PCDH15: variants seen among roughly 807,000 people sequenced by gnomAD.
The protein encoded by PCDH15 is protocadherin related 15.
PCDH15 carries 129 observed loss-of-function variants against 178.5 expected under a neutral mutation model. The ratio of observed to expected loss-of-function variants is 0.72; its 90% CI spans 0.63 to 0.84. The LOEUF is 0.84. Ranked by LOEUF, PCDH15 falls within the 40% of genes least tolerant of loss-of-function variation. The pLI is 0.00. For synonymous variants in PCDH15, 800 were observed against 732.0 expected, an observed-to-expected ratio of 1.09 and a Z score of -1.50; for missense variants, 2,230 against 2,099.9, an observed-to-expected ratio of 1.06 and a Z score of -1.21.
intron 3 of PCDH15, among the ~76,000 whole-genome samples, chr10:54,414,373 A>G (rs926085831): frequency 1.2e-4 from 18 of 152,142 alleles, no homozygotes; most frequent in African/African-American, 4.1e-4. Context: ...GCATGTTTAC[A>G]TGACGGAATA....
chr10:54,603,460 TA>T (rs2134119782), intron 2 of PCDH15, among the ~76,000 whole-genome samples: 1 of 152,006 alleles, frequency 6.6e-6, no homozygotes, highest in African/African-American at 2.4e-5. Context: ...TTTGGCTAGT[TA>T]TTTTTTTAGG....
intron 28 of PCDH15, among the ~76,000 whole-genome samples, chr10:53,850,064 C>G (rs10509000): frequency 0.029 from 4,461 of 151,928 alleles, 136 homozygotes; most frequent in East Asian, 0.15. Flanking sequence ...GCTAAGATAA[C>G]ATTCCTCCAA....
intron 3 of PCDH15, among the ~76,000 whole-genome samples, chr10:54,807,864 T>A (rs1952803268): frequency 6.6e-6 from 1 of 151,488 alleles, no homozygotes; most frequent in African/African-American, 2.4e-5. Flanking sequence ...ATAGAATGAG[T>A]ATAGATTTAA....
chr10:54,249,265 T>A (rs536556864), intron 8 of PCDH15, among the ~76,000 whole-genome samples: 1 of 152,236 alleles, frequency 6.6e-6, no homozygotes, highest in Non-Finnish European at 1.5e-5. Flanking sequence ...TAAATATGCA[T>A]CAAAAACCTA....
chr10:55,217,748 A>G (rs1225053464), intron 1 of PCDH15, among the ~76,000 whole-genome samples: 2 of 151,992 alleles, frequency 1.3e-5, no homozygotes, highest in Non-Finnish European at 2.9e-5. Flanking sequence ...ACTGCTAGCC[A>G]TCACATAAAA....
At chr10:53,984,434 G>A (rs1450660872) in intron 21 of PCDH15, among the ~76,000 whole-genome samples, 1 of 152,062 alleles carries the variant, frequency 6.6e-6, no homozygotes, top group African/African-American at 2.4e-5. Flanking sequence ...ACAGGCGTGA[G>A]CCACCGTGCC....
At chr10:54,534,276 T>C (rs2084246846) in intron 2 of PCDH15, among the ~76,000 whole-genome samples, 1 of 152,116 alleles carries the variant, frequency 6.6e-6, no homozygotes, top group Non-Finnish European at 1.5e-5. Context: ...TAGTTATATA[T>C]GGGATTGTGA....
chr10:55,263,438 T>C (rs185280249), intron 1 of PCDH15, among the ~76,000 whole-genome samples: 23 of 152,296 alleles, frequency 1.5e-4, no homozygotes, highest in Admixed American at 9.1e-4. Context: ...CAGGCATGCA[T>C]GACTCAGGGC....
chr10:54,656,824 C>T (rs903138004), intron 2 of PCDH15, among the ~76,000 whole-genome samples: 2 of 152,066 alleles, frequency 1.3e-5, no homozygotes, highest in African/African-American at 2.4e-5. Context: ...GGAGTGGCAC[C>T]GGCAGCCGGG....
intron 26 of PCDH15, among the ~76,000 whole-genome samples, chr10:53,902,532 AC>A (rs2082398964): frequency 6.6e-6 from 1 of 152,154 alleles, no homozygotes; most frequent in Non-Finnish European, 1.5e-5. Context: ...TAGCATCTAA[AC>A]TTTTTCCTCA....
intron 25 of PCDH15, among the ~76,000 whole-genome samples, chr10:53,919,041 G>C (rs2083775546): frequency 6.6e-6 from 1 of 152,072 alleles, no homozygotes; most frequent in Admixed American, 6.6e-5. Flanking sequence ...TTCTTCTGTT[G>C]CATCAGTCTG....
At chr10:55,148,671 T>C (rs1358886263) in intron 2 of PCDH15, among the ~76,000 whole-genome samples, 2 of 151,692 alleles carry the variant, frequency 1.3e-5, no homozygotes, top group African/African-American at 4.8e-5. Flanking sequence ...GAAAAATGTG[T>C]TTCCACATTT....
chr10:54,320,255 A>G lies in PCDH15; in HGVS notation c.706-2814T>C, dbSNP rs184222032. Among the ~76,000 whole-genome samples, 55 of 152,208 alleles carry G rather than the reference A, an allele frequency of 3.6e-4. No homozygotes were observed. The East Asian group carries it at 0.01, about 28-fold the overall frequency. ...AAATGAAGAAAAAACAAGGAAATCTATTCTTACCTACATAAACATGATCAC... is the reference window on the plus strand; with the variant it reads ...AAATGAAGAAAAAACAAGGAAATCTGTTCTTACCTACATAAACATGATCAC... On this transcript the variant is annotated intron_variant, in intron 7 of 37. Transcript: ENST00000644397.
intron 3 of PCDH15, among the ~76,000 whole-genome samples, chr10:54,430,028 A>G (rs184497003): frequency 6.6e-6 from 1 of 151,364 alleles, no homozygotes; most frequent in Admixed American, 6.6e-5. Flanking sequence ...TAGCTGCAAA[A>G]TACACTTTTT....
chr10:54,363,595 C>A (rs963733290), intron 5 of PCDH15, among the ~76,000 whole-genome samples: 1 of 152,122 alleles, frequency 6.6e-6, no homozygotes, highest in Non-Finnish European at 1.5e-5. Context: ...TTGATATACA[C>A]ATGCTCTAAT....
chr10:54,171,090 G>A (rs1025499027), intron 13 of PCDH15, among the ~76,000 whole-genome samples: 20 of 152,074 alleles, frequency 1.3e-4, no homozygotes, highest in African/African-American at 2.9e-4. Flanking sequence ...GAAGGCCACC[G>A]CAGGCATTTC....
intron 7 of PCDH15, among the ~76,000 whole-genome samples, chr10:54,329,177 T>A (rs562714361): frequency 0.071 from 10,728 of 151,888 alleles, 491 homozygotes; most frequent in African/African-American, 0.12. Flanking sequence ...TAGTGTACCT[T>A]AGAATTCCCT....
At chr10:54,421,875 T>C (rs1411047111) in intron 3 of PCDH15, among the ~76,000 whole-genome samples, 3 of 69,472 alleles carry the variant, frequency 4.3e-5, no homozygotes, top group African/African-American at 7.7e-5. Context: ...ACACACTATA[T>C]ATATATATAC....
In PCDH15 at chr10:55,458,376, G is replaced by A. The variant is rs541257040; in HGVS notation, c.-156+169249C>T. 3.3e-5 allele frequency among the ~76,000 whole-genome samples: 5 copies of A among 152,048 alleles called. No individual in the cohort carries two copies. In the East Asian group the frequency reaches 5.8e-4, roughly 18 times the overall value. ...ACAGTGAAAGAGTTAACCCAGATTTGTTTCTTCTGTACATTTGATTTTGAA... is the reference window on the plus strand; with the variant it reads ...ACAGTGAAAGAGTTAACCCAGATTTATTTCTTCTGTACATTTGATTTTGAA... On this transcript the variant is annotated intron_variant, in intron 2 of 5. Coordinates refer to the PCDH15 transcript ENST00000613346.
Sources: allele counts gnomAD v4.1 joint callset (sites outside exome capture counted in the v4.1 genomes callset), GRCh38; gene constraint gnomAD v4.1.1; transcripts MANE v1.5; gene names NCBI Gene and HGNC (gene_info 2026-07-23, HGNC 2026-07-21).